Variants in OXSR1 observed in about 807,000 individuals in gnomAD.
OXSR1 encodes serine/threonine-protein kinase OSR1.
In OXSR1, 24 loss-of-function variants were observed where a neutral mutation model predicts 79.8. The ratio of observed to expected loss-of-function variants is 0.30; its 90% CI spans 0.22 to 0.42. The LOEUF is 0.42. Among genes scored for constraint, OXSR1 ranks in the 10% least tolerant of loss-of-function variants. OXSR1 has a pLI of 1.00. For missense variants in OXSR1, 430 were observed against 618.4 expected (o/e 0.70, Z 3.23); for synonymous variants, 226 against 209.2 (o/e 1.08, Z -0.69).
chr3:38,172,267 A>G (rs1341164004), intron 1 of OXSR1, among the ~76,000 whole-genome samples: 1 of 151,650 alleles, frequency 6.6e-6, no homozygotes, highest in Non-Finnish European at 1.5e-5. Flanking sequence ...TTTTTTTCTT[A>G]GTCCAGGCCT....
At chr3:38,193,274 C>A (rs1449580399) in intron 3 of OXSR1, 1 of 1,289,496 alleles carries the variant, frequency 7.8e-7, no homozygotes, top group South Asian at 1.2e-5. Context: ...TTGTTTCAAT[C>A]CCATTAGTGA....
At chr3:38,201,854 ACT>A (rs1045628223) in intron 4 of OXSR1, among the ~76,000 whole-genome samples, 6 of 151,944 alleles carry the variant, frequency 3.9e-5, no homozygotes, top group Admixed American at 2.6e-4. Flanking sequence ...ACAGAGCAAG[ACT>A]CTGTGTCGAA....
chr3:38,252,280 A>G, intron 16 of OXSR1, 48 bp from the exon 17 acceptor site: 1 of 1,288,190 alleles, frequency 7.8e-7, no homozygotes, highest in South Asian at 1.2e-5. Context: ...TTGAAAGTGG[A>G]TTTATGTAAC....
chr3:38,220,291 A>T (rs1027838718), intron 5 of OXSR1, among the ~76,000 whole-genome samples: 1 of 152,198 alleles, frequency 6.6e-6, no homozygotes, highest in African/African-American at 2.4e-5. Context: ...AAAGTTTGCC[A>T]TGCTAAAATT....
At chr3:38,203,359 G>C (rs1702203787) in intron 4 of OXSR1, among the ~76,000 whole-genome samples, 2 of 152,174 alleles carry the variant, frequency 1.3e-5, no homozygotes, top group East Asian at 1.9e-4. Flanking sequence ...GGCCACTACT[G>C]GTCTCCGTGT....
intron 6 of OXSR1, 137 bp from the exon 7 acceptor site, chr3:38,223,675 C>T: frequency 3.9e-6 from 2 of 510,672 alleles, no homozygotes; most frequent in Non-Finnish European, 7.0e-6. Flanking sequence ...GTCTTGAACT[C>T]CCAACCTCAG....
Position 38,165,702 on chromosome 3 carries a change from T to A in OXSR1, c.-175T>A. The A allele has an allele frequency of 1.8e-6, 1 of 567,062 alleles. No homozygotes were observed. The highest frequency in any genetic ancestry group is 2.2e-5 in the South Asian group (1 of 46,180). The allele number at this position is 567,062 out of a possible 1,614,324, so 35.1% of individuals were successfully genotyped here. A position where few individuals can be genotyped will look rare whatever the true frequency, so the allele number is the denominator to read the frequency against. ...GTCCGCCGGAGCTCTGAGCCCCCGC[T>A]GCTCTGCCGCGCGGTGACCCCGCGC... On this transcript the variant is annotated 5_prime_UTR_variant, in exon 1 of 18. Coordinates refer to ENST00000311806, the MANE Select transcript of OXSR1 (RefSeq NM_005109.3).
chr3:38,222,200 A>G (rs1702602313), intron 6 of OXSR1, among the ~76,000 whole-genome samples: 1 of 152,174 alleles, frequency 6.6e-6, no homozygotes, highest in Non-Finnish European at 1.5e-5. Flanking sequence ...CACTGGACAG[A>G]TGAGATTGAC....
intron 4 of OXSR1, among the ~76,000 whole-genome samples, chr3:38,206,318 T>C (rs1702263062): frequency 6.6e-6 from 1 of 152,174 alleles, no homozygotes; most frequent in Non-Finnish European, 1.5e-5. Flanking sequence ...ACAATGACAT[T>C]ATGTCAAGGT....
rs903204542 is a variant in OXSR1 at position 38,254,364 on chromosome 3, T to G, written c.*1473T>G. The stretch of plus-strand genomic sequence containing the variant: ...TTTCATTCTGAGTCTTTAGTTTTAG[T>G]CATGGGCTTTCTTCACCTGCTCTAG... On this transcript the variant is annotated 3_prime_UTR_variant, in exon 18 of 18. Coordinates refer to ENST00000311806, the MANE Select transcript of OXSR1 (RefSeq NM_005109.3). 11 of 395,674 alleles carry G rather than the reference T, an allele frequency of 2.8e-5. No homozygotes were observed. In the Admixed American group the frequency reaches 3.1e-4, roughly 11 times the overall value. 24.5% of individuals were successfully genotyped at this position (395,674 alleles called of 1,614,324 possible). A position where few individuals can be genotyped will look rare whatever the true frequency, so the allele number is the denominator to read the frequency against.
intron 8 of OXSR1, among the ~76,000 whole-genome samples, chr3:38,225,538 G>A (rs763486736): frequency 1.2e-4 from 18 of 151,966 alleles, no homozygotes; most frequent in Non-Finnish European, 1.6e-4. Flanking sequence ...AGAAAAACAG[G>A]TAGCAAAATT....
rs200296377 is a variant in OXSR1, at chr3:38,170,041, TTTA to T, written c.70+4107_70+4109del. On this transcript the variant is annotated intron_variant, in intron 1 of 17. Coordinates refer to ENST00000311806, the MANE Select transcript of OXSR1 (RefSeq NM_005109.3). ...GCCACTGCGCTTAGCCTTCTTTAAT[TTTA>T]TTATTATTATTTTTTTTTGAGTTGG... Among the ~76,000 whole-genome samples, 1,245 of 152,074 alleles carry T rather than the reference TTTA, an allele frequency of 8.2e-3. 8 individuals are homozygous for T. Among genetic ancestry groups the T allele is most frequent in the Non-Finnish European group, 0.013 (896 of 67,968 alleles).
intron 1 of OXSR1, among the ~76,000 whole-genome samples, chr3:38,181,577 C>A (rs1701787361): frequency 6.6e-6 from 1 of 151,956 alleles, no homozygotes; most frequent in African/African-American, 2.4e-5. Flanking sequence ...AAGATGGTCG[C>A]GATCTCCTGA....
intron 4 of OXSR1, among the ~76,000 whole-genome samples, chr3:38,208,858 C>G (rs1303860153): frequency 6.6e-6 from 1 of 152,064 alleles, no homozygotes; most frequent in African/African-American, 2.4e-5. Flanking sequence ...GCTGAGATTG[C>G]GTCACTGCAC....
intron 4 of OXSR1, among the ~76,000 whole-genome samples, chr3:38,206,808 C>CT (rs1342882654): frequency 6.6e-6 from 1 of 152,194 alleles, no homozygotes; most frequent in Non-Finnish European, 1.5e-5. Flanking sequence ...TTAGCACAGT[C>CT]TTTCTTAGCA....
At chr3:38,248,826 C>T (rs1197463214) in intron 14 of OXSR1, among the ~76,000 whole-genome samples, 1 of 152,126 alleles carries the variant, frequency 6.6e-6, no homozygotes, top group Non-Finnish European at 1.5e-5. Flanking sequence ...TAAAGAATAA[C>T]ACTTTAAGAA....
At chr3:38,218,154 T>C (rs533376834) in intron 5 of OXSR1, among the ~76,000 whole-genome samples, 6 of 152,290 alleles carry the variant, frequency 3.9e-5, no homozygotes, top group African/African-American at 1.2e-4. Flanking sequence ...CTGGATCGTA[T>C]AGTTATTCTG....
chr3:38,190,860 T>TG (rs750749556), intron 3 of OXSR1, 21 bp downstream of exon 3: 1 of 1,249,822 alleles, frequency 8.0e-7, no homozygotes, highest in Non-Finnish European at 1.2e-6. Context: ...TACAAGGAAA[T>TG]GCTATAAGTA....
At chr3:38,193,031 AGCAATT>A (rs1376593909) in intron 3 of OXSR1, among the ~76,000 whole-genome samples, 5 of 152,240 alleles carry the variant, frequency 3.3e-5, no homozygotes, top group African/African-American at 1.2e-4. Context: ...TTTTCTACTT[AGCAATT>A]GTATGTCATT....
Sources: allele counts gnomAD v4.1 joint callset (sites outside exome capture counted in the v4.1 genomes callset), GRCh38; gene constraint gnomAD v4.1.1; transcripts MANE v1.5; gene names NCBI Gene and HGNC (gene_info 2026-07-23, HGNC 2026-07-21).